DOCK1: variants seen among roughly 807,000 people sequenced by gnomAD.
DOCK1 encodes dedicator of cytokinesis 1, also known as dedicator of cytokinesis protein 1.
A neutral mutation model predicts 262.7 loss-of-function variants in DOCK1; 138 were observed. The observed-to-expected ratio is 0.53, with a 90% CI of 0.46 to 0.61. The LOEUF is 0.61. Ranked by LOEUF, DOCK1 falls within the 20% of genes least tolerant of loss-of-function variation. The pLI is 0.00. For synonymous variants in DOCK1, 866 were observed against 867.4 expected, an observed-to-expected ratio of 1.00 and a Z score of 0.03; for missense variants, 1,908 against 2,370.7, an observed-to-expected ratio of 0.80 and a Z score of 4.05.
In DOCK1 at chr10:127,152,556, G is replaced by T. The variant is rs990008759; in HGVS notation, c.2847+24792G>T. ...CTAAGGTGGGGGTGGTTTCAGTAAG[G>T]TAGGCTTTCTCAACCTCAGCACTAT... On this transcript the variant is annotated intron_variant, in intron 27 of 51. Transcript: ENST00000623213. Among the ~76,000 whole-genome samples the T allele has an allele frequency of 4.6e-5, 7 of 152,292 alleles. No homozygotes were observed. The East Asian group carries it at 1.4e-3, about 29-fold the overall frequency.
At chr10:126,930,690 G>T (rs1366879399) in intron 1 of DOCK1, among the ~76,000 whole-genome samples, 1 of 152,238 alleles carries the variant, frequency 6.6e-6, no homozygotes, top group East Asian at 1.9e-4. Flanking sequence ...GTGCACAGGA[G>T]TCCAGGCCAA....
chr10:127,222,628 T>G (rs7923261), intron 27 of DOCK1, among the ~76,000 whole-genome samples: 36 of 145,540 alleles, frequency 2.5e-4, no homozygotes, highest in Non-Finnish European at 2.1e-4. Flanking sequence ...GTGTTTTTGT[T>G]TTGTGTTGTG....
chr10:127,078,657 G>A (rs1453630581), intron 23 of DOCK1, among the ~76,000 whole-genome samples: 1 of 152,206 alleles, frequency 6.6e-6, no homozygotes, highest in Non-Finnish European at 1.5e-5. Flanking sequence ...CATGTTTACA[G>A]CAGCACAATT....
intron 27 of DOCK1, among the ~76,000 whole-genome samples, chr10:127,240,049 A>G (rs1046118062): frequency 2.0e-5 from 3 of 152,124 alleles, no homozygotes; most frequent in Non-Finnish European, 4.4e-5. Flanking sequence ...TCCAATAAAC[A>G]TCTTCTGCAA....
At chr10:127,277,354 G>A (rs2060779510) in intron 29 of DOCK1, among the ~76,000 whole-genome samples, 1 of 152,150 alleles carries the variant, frequency 6.6e-6, no homozygotes, top group Non-Finnish European at 1.5e-5. Flanking sequence ...CACAAAGCAT[G>A]TGCATTTGTC....
At chr10:127,438,020 C>G (rs1250049443) in intron 48 of DOCK1, among the ~76,000 whole-genome samples, 1 of 152,204 alleles carries the variant, frequency 6.6e-6, no homozygotes, top group African/African-American at 2.4e-5. Flanking sequence ...ATGTAAGATC[C>G]TAGTAACAGC....
At chr10:127,245,192 A>G (rs938116421) in intron 27 of DOCK1, among the ~76,000 whole-genome samples, 2 of 152,190 alleles carry the variant, frequency 1.3e-5, no homozygotes, top group Admixed American at 6.5e-5. Context: ...CCCAAAGGGC[A>G]GGGAGGAAGG....
chr10:127,403,740 CAG>C (rs1361458101), intron 39 of DOCK1, among the ~76,000 whole-genome samples: 2 of 152,168 alleles, frequency 1.3e-5, no homozygotes, highest in African/African-American at 2.4e-5. Context: ...GCCTGGGCAA[CAG>C]AGTGAGAGTC....
At chr10:127,390,592 G>A (rs1474494195) in intron 38 of DOCK1, among the ~76,000 whole-genome samples, 2 of 152,098 alleles carry the variant, frequency 1.3e-5, no homozygotes, top group Non-Finnish European at 2.9e-5. Context: ...ACAGCAAGAA[G>A]GCAGCCATCT....
At chr10:127,115,996 A>T (rs756372623) in intron 25 of DOCK1, among the ~76,000 whole-genome samples, 4 of 152,158 alleles carry the variant, frequency 2.6e-5, no homozygotes, top group Admixed American at 6.5e-5. Flanking sequence ...TTTGGATGGG[A>T]GTATGAGACT....
At chr10:127,277,185 AAAT>A (rs1231288653) in intron 29 of DOCK1, among the ~76,000 whole-genome samples, 2 of 152,210 alleles carry the variant, frequency 1.3e-5, no homozygotes, top group African/African-American at 4.8e-5. Flanking sequence ...TGACTTTAAA[AAAT>A]TCTCCATTTA....
intron 29 of DOCK1, among the ~76,000 whole-genome samples, chr10:127,313,425 G>A (rs1240518059): frequency 6.6e-6 from 1 of 152,148 alleles, no homozygotes; most frequent in Non-Finnish European, 1.5e-5. Context: ...TGGACTTTTA[G>A]GGAACAGCAT....
At chr10:127,164,372 G>C (rs528851154) in intron 27 of DOCK1, among the ~76,000 whole-genome samples, 1 of 151,606 alleles carries the variant, frequency 6.6e-6, no homozygotes, top group Non-Finnish European at 1.5e-5. Context: ...TTGTAGACAC[G>C]GGATTTCACC....
chr10:127,031,743 T>C lies in DOCK1; in HGVS notation c.1718T>C (p.Ile573Thr), dbSNP rs771991452. Residue 573 changes from isoleucine (I) to threonine (T), a missense_variant, in exon 17 of 52, where the codon ATC becomes ACC. Coordinates refer to ENST00000623213, the MANE Select transcript of DOCK1 (RefSeq NM_001290223.2). Reference protein sequence around the residue: ...TTLRDGEHDLIVYKAEAKKLE... With the variant: ...TTLRDGEHDLTVYKAEAKKLE... ...CTGCGAGACGGAGAGCACGATCTTATCGTCTATAAGGTATCTGGTTGCATT... is the reference window on the plus strand; with the variant it reads ...CTGCGAGACGGAGAGCACGATCTTACCGTCTATAAGGTATCTGGTTGCATT... 5 of 1,612,680 alleles carry C rather than the reference T, an allele frequency of 3.1e-6. No individual in the cohort carries two copies. In the South Asian group the frequency reaches 4.4e-5, roughly 14 times the overall value.
rs1192625213 is a variant in DOCK1 at position 126,940,131 on chromosome 10, T to C, written c.47-30571T>C. Among the ~76,000 whole-genome samples the C allele has an allele frequency of 2.6e-5, 4 of 152,334 alleles. No homozygotes were observed. The East Asian group carries it at 7.7e-4, about 29-fold the overall frequency. On this transcript the variant is annotated intron_variant, in intron 1 of 51. Coordinates refer to ENST00000623213, the MANE Select transcript of DOCK1 (RefSeq NM_001290223.2). ...TTTGCCTCTAATCTGGTTATTTCTTTGTAGTCTCAGTAATGGATAAGAAAT... is the reference window on the plus strand; with the variant it reads ...TTTGCCTCTAATCTGGTTATTTCTTCGTAGTCTCAGTAATGGATAAGAAAT...
intron 29 of DOCK1, among the ~76,000 whole-genome samples, chr10:127,268,393 A>T (rs2060443799): frequency 6.7e-6 from 1 of 149,456 alleles, no homozygotes; most frequent in South Asian, 2.2e-4. Context: ...CCAGCTACTC[A>T]GGAGGCTGAG....
intron 23 of DOCK1, among the ~76,000 whole-genome samples, chr10:127,077,434 C>G (rs563792883): frequency 6.6e-6 from 1 of 152,254 alleles, no homozygotes; most frequent in South Asian, 2.1e-4. Flanking sequence ...GAAAGCAGTG[C>G]TAAGTACTTC....
intron 39 of DOCK1, among the ~76,000 whole-genome samples, chr10:127,403,730 G>T (rs966072557): frequency 2.0e-5 from 3 of 152,200 alleles, no homozygotes; most frequent in Middle Eastern, 3.2e-3. Context: ...ATGCACTCCA[G>T]CCTGGGCAAC....
chr10:127,062,598 G>GC (rs1277310389), intron 23 of DOCK1, among the ~76,000 whole-genome samples: 1 of 152,206 alleles, frequency 6.6e-6, no homozygotes, highest in Admixed American at 6.5e-5. Context: ...CGAGGGAAAG[G>GC]CCCCGGAGCC....
Sources: gnomAD v4.1 joint callset for allele counts (sites outside exome capture counted in the v4.1 genomes callset) on GRCh38, gnomAD v4.1.1 for gene constraint, MANE v1.5 for transcripts, NCBI Gene and HGNC (gene_info 2026-07-23, HGNC 2026-07-21) for gene names.